VWDE: variants seen among roughly 807,000 people sequenced by gnomAD.
VWDE encodes the protein von Willebrand factor D and EGF domains.
Under a neutral mutation model 178.4 loss-of-function variants are expected in VWDE, and 207 were observed. The ratio of observed to expected loss-of-function variants is 1.16; its 90% confidence interval spans 1.04 to 1.30. The LOEUF is 1.30. Among genes scored for constraint, VWDE ranks in the 50% most tolerant of loss-of-function variants. VWDE has a pLI of 0.00. For synonymous variants in VWDE, 738 were observed against 651.4 expected (o/e 1.13, Z -2.02); for missense variants, 2,287 against 1,901.3 (o/e 1.20, Z -3.77).
intron 18 of VWDE, 69 bp from the exon 19 acceptor site, chr7:12,351,782 A>T (rs1186840910): frequency 5.1e-6 from 7 of 1,366,680 alleles, no homozygotes; most frequent in Non-Finnish European, 6.8e-6. Context: ...ACAAATAAGA[A>T]TATACAATAC....
Position 12,356,236 on chromosome 7 carries a change from A to C in VWDE, c.3620T>G (p.Leu1207Trp). 1 of 1,551,682 alleles carries C rather than the reference A, an allele frequency of 6.4e-7. No individual in the cohort carries two copies. Among genetic ancestry groups the C allele is most frequent in the Non-Finnish European group, 8.7e-7 (1 of 1,146,994 alleles). The stretch of plus-strand genomic sequence containing the variant: ...ACAAAGGCTGCCATGGAAGCCAGGC[A>C]AGCAGACACACAGGTACACTCCACT... ...PGSGVYLCVC[L>W]PGFHGSLCEV... is the part of the protein sequence containing the mutation. The change falls in exon 18 of 29, where the codon TTG becomes TGG. Residue 1207 changes from leucine (L) to tryptophan (W), a missense_variant. Transcript: ENST00000275358.
intron 19 of VWDE, 135 bp from the exon 20 acceptor site, chr7:12,344,604 G>A: frequency 1.5e-6 from 1 of 665,560 alleles, no homozygotes; most frequent in South Asian, 2.2e-5. Flanking sequence ...ATAATACTGA[G>A]AACGTAAGAA....
chr7:12,385,159 GTA>G (rs10550728), intron 3 of VWDE, among the ~76,000 whole-genome samples: 16,943 of 152,022 alleles, frequency 0.11, 1,118 homozygotes, highest in Non-Finnish European at 0.14. Context: ...TATAGATTGT[GTA>G]AATATATACA....
At chr7:12,338,724 G>T (rs1401924838) in intron 24 of VWDE, among the ~76,000 whole-genome samples, 2 of 152,012 alleles carry the variant, frequency 1.3e-5, no homozygotes, top group Non-Finnish European at 2.9e-5. Context: ...TCCTGAAGTG[G>T]GCTAAGTAAT....
chr7:12,400,535 A>C (rs899905708), intron 1 of VWDE, among the ~76,000 whole-genome samples: 1 of 152,184 alleles, frequency 6.6e-6, no homozygotes, highest in African/African-American at 2.4e-5. Context: ...ATTTATAACA[A>C]GTAAAAATAT....
At chr7:12,358,028 C>T (rs1189980504) in intron 16 of VWDE, among the ~76,000 whole-genome samples, 1 of 152,156 alleles carries the variant, frequency 6.6e-6, no homozygotes, top group Non-Finnish European at 1.5e-5. Flanking sequence ...ATTAGTCATA[C>T]TCATCTTCTG....
At chr7:12,346,541 T>G (rs1781608108) in intron 19 of VWDE, among the ~76,000 whole-genome samples, 1 of 151,308 alleles carries the variant, frequency 6.6e-6, no homozygotes, top group Non-Finnish European at 1.5e-5. Context: ...ACAAATGTGA[T>G]AAAATCAGAT....
rs1357583000 is a variant in VWDE, at chr7:12,356,290, C to A, written c.3566G>T (p.Cys1189Phe). Reference sequence around the variant, plus strand: ...TGGAGAAAAGTTCCTATCAGATACACATGATCCACCATTCAAGCAATCACA... The same window carrying A: ...TGGAGAAAAGTTCCTATCAGATACAAATGATCCACCATTCAAGCAATCACA... ...KSCDCLNGGS[C>F]VSDRNFSPGS... Residue 1189 changes from cysteine (C) to phenylalanine (F), a missense_variant, in exon 18 of 29, where the codon TGT becomes TTT. Coordinates refer to ENST00000275358, the MANE Select transcript of VWDE (RefSeq NM_001135924.3). 7 of 1,551,500 alleles carry A rather than the reference C, an allele frequency of 4.5e-6. No individual in the cohort carries two copies. The highest frequency in any genetic ancestry group is 5.2e-6 in the Non-Finnish European group (6 of 1,146,946).
chr7:12,345,048 T>A (rs973125663), intron 19 of VWDE, among the ~76,000 whole-genome samples: 2 of 152,086 alleles, frequency 1.3e-5, no homozygotes, highest in African/African-American at 4.8e-5. Flanking sequence ...GGAAAAATAA[T>A]ACCCAATTTG....
At chr7:12,340,227 T>A in intron 24 of VWDE, 95 bp downstream of exon 24, 1 of 964,420 alleles carries the variant, frequency 1.0e-6, no homozygotes, top group Non-Finnish European at 1.5e-6. Flanking sequence ...AAAAATCGCA[T>A]CTTTCCCTTT....
chr7:12,369,417 T>C (rs1053276148), intron 12 of VWDE, 128 bp downstream of exon 12: 8 of 1,212,776 alleles, frequency 6.6e-6, no homozygotes, highest in Non-Finnish European at 8.9e-6. Context: ...TTCATTAATA[T>C]GATTTGGAGG....
Position 12,403,663 on chromosome 7 carries a change from C to G in VWDE, c.54G>C (p.Gly18=). The G allele has an allele frequency of 1.3e-6, 2 of 1,544,366 alleles. No homozygotes were observed. Among genetic ancestry groups the G allele is most frequent in the Non-Finnish European group, 1.7e-6 (2 of 1,145,588 alleles). ...LVIALMFLAW[G]EAQECSPGGH... ...CGCGCGCCCTACCTCGCTTACCTTC[C>G]CCCCAGGCCAGGAACATCAGCGCGA... The change falls in exon 1 of 29, where the codon GGG becomes GGC. Residue 18 remains glycine (G), a synonymous_variant. Transcript: ENST00000275358.
intron 2 of VWDE, among the ~76,000 whole-genome samples, chr7:12,390,183 G>C (rs1280799327): frequency 6.7e-6 from 1 of 149,786 alleles, no homozygotes; most frequent in Non-Finnish European, 1.5e-5. Context: ...AAAAAAGAAA[G>C]AAAGAAAGTT....
chr7:12,339,595 G>T (rs1336752859), intron 24 of VWDE, among the ~76,000 whole-genome samples: 1 of 152,018 alleles, frequency 6.6e-6, no homozygotes, highest in East Asian at 1.9e-4. Context: ...AAATAGAATT[G>T]CAAATCAAAG....
rs1359074559 is a variant in VWDE, at chr7:12,370,011, C to T, written c.2295G>A (p.Pro765=). 4.5e-6 allele frequency: 7 copies of T among 1,551,316 alleles called. No individual in the cohort carries two copies. In the South Asian group the frequency reaches 4.8e-5, roughly 11 times the overall value. The change falls in exon 12 of 29, where the codon CCG becomes CCA. Residue 765 remains proline, a synonymous_variant. Transcript: ENST00000275358. ...FHEFPPLFAF[P]SLSQTDLEEL... is the part of the protein sequence containing the mutation. Reference sequence around the variant, plus strand: ...CTTCCAGATCCGTTTGGCTGAGACTCGGGAAAGCAAACAAAGGAGGAAACT... The same window carrying T: ...CTTCCAGATCCGTTTGGCTGAGACTTGGGAAAGCAAACAAAGGAGGAAACT...
intron 12 of VWDE, among the ~76,000 whole-genome samples, chr7:12,367,893 A>G (rs916336757): frequency 2.6e-5 from 4 of 152,272 alleles, no homozygotes; most frequent in Admixed American, 1.3e-4. Context: ...TAGTAATGCA[A>G]TGTATTAAAA....
chr7:12,349,949 T>G (rs1209262908), intron 19 of VWDE, among the ~76,000 whole-genome samples: 1 of 151,902 alleles, frequency 6.6e-6, no homozygotes, highest in Non-Finnish European at 1.5e-5. Context: ...ATAAAAATGA[T>G]GAAATTGACT....
intron 19 of VWDE, among the ~76,000 whole-genome samples, chr7:12,348,206 A>G (rs1363049718): frequency 1.4e-4 from 3 of 21,090 alleles, no homozygotes; most frequent in East Asian, 1.1e-3. Flanking sequence ...ATGGCAACAC[A>G]AAGCCAAAAT....
intron 11 of VWDE, 30 bp from the exon 12 acceptor site, chr7:12,370,539 A>G: frequency 6.5e-7 from 1 of 1,529,178 alleles, no homozygotes; most frequent in South Asian, 1.2e-5. Flanking sequence ...AAAGAATAGT[A>G]ATTTTGTACA....
Sources: gnomAD v4.1 joint callset for allele counts (sites outside exome capture counted in the v4.1 genomes callset) on GRCh38, gnomAD v4.1.1 for gene constraint, MANE v1.5 for transcripts, NCBI Gene and HGNC (gene_info 2026-07-23, HGNC 2026-07-21) for gene names.